The following RPTOR variants were observed in gnomAD, a reference collection of about 807,000 sequenced individuals.
RPTOR encodes regulatory-associated protein of mTOR.
In RPTOR, 21 loss-of-function variants were observed where a neutral mutation model predicts 169.9. That is an observed-to-expected ratio of 0.12 (90% CI 0.09 to 0.18). The LOEUF (loss-of-function observed/expected upper bound fraction) is 0.18, where lower values mean the gene tolerates loss of function less well. Ranked by LOEUF, RPTOR falls within the 10% of genes least tolerant of loss-of-function variation. The pLI, the probability that RPTOR is intolerant of heterozygous loss-of-function variation, is 1.00. For missense variants in RPTOR, 1,133 were observed against 1,855.9 expected (o/e 0.61, Z 7.16); for synonymous variants, 732 against 753.2 (o/e 0.97, Z 0.46).
At position 80,936,395 on chromosome 17, in the gene RPTOR, A is replaced by T. The variant is rs1256147010; in HGVS notation, c.2920-4101A>T. The stretch of plus-strand genomic sequence containing the variant: ...AAAACATGTTCATTCAGAAACCTGT[A>T]TGTGAATGTTTATAGTGACTGTATT... On this transcript the variant is annotated intron_variant, in intron 24 of 33. Transcript: ENST00000306801. This position sits in a 1 kb window ranked among gnomAD's most constrained non-coding sequence, Gnocchi z 4.1. Among the ~76,000 whole-genome samples the T allele has an allele frequency of 6.6e-6, 1 of 152,258 alleles. No individual in the cohort carries two copies. Among genetic ancestry groups the T allele is most frequent in the East Asian group, 1.9e-4 (1 of 5,200 alleles).
chr17:80,615,535 A>T (rs2065303052), intron 1 of RPTOR, among the ~76,000 whole-genome samples: 1 of 152,194 alleles, frequency 6.6e-6, no homozygotes, highest in African/African-American at 2.4e-5. Context: ...GTGGTTCCCC[A>T]TGGGGCATCT....
chr17:80,771,135 C>T (rs1335715890), intron 6 of RPTOR, among the ~76,000 whole-genome samples: 1 of 152,212 alleles, frequency 6.6e-6, no homozygotes, highest in African/African-American at 2.4e-5. Flanking sequence ...CCTTCCCTGC[C>T]CTGGGGTCTG....
chr17:80,819,220 A>T (rs1216834182), intron 7 of RPTOR, among the ~76,000 whole-genome samples: 1 of 152,176 alleles, frequency 6.6e-6, no homozygotes, highest in Non-Finnish European at 1.5e-5. Context: ...GGGTTTTGGC[A>T]GTTCCCTGTT....
intron 6 of RPTOR, among the ~76,000 whole-genome samples, chr17:80,779,911 T>A (rs548850578): frequency 6.6e-6 from 1 of 152,178 alleles, no homozygotes; most frequent in Admixed American, 6.5e-5. Context: ...GGGGTGCTCT[T>A]CCTTAGCCCC....
chr17:80,806,816 A>T (rs1005920891), intron 7 of RPTOR, among the ~76,000 whole-genome samples: 25 of 151,866 alleles, frequency 1.6e-4, no homozygotes, highest in Non-Finnish European at 2.8e-4. Context: ...CTTTTTTTTA[A>T]ATTCTCTTTT....
At chr17:80,962,781 A>G in intron 32 of RPTOR, 147 bp from the exon 33 acceptor site, 1 of 1,406,770 alleles carries the variant, frequency 7.1e-7, no homozygotes, top group East Asian at 2.5e-5. Flanking sequence ...CCGAGTCCTC[A>G]GTGAGAGTGA....
At position 80,653,528 on chromosome 17, in the gene RPTOR, A is replaced by C. The variant is rs145123120; in HGVS notation, c.348+9718A>C. ...GCTGTGGTCTCTCCACCTGGAGTGT[A>C]TGTCGGGAGAAAGCTCCTGTCGGGG... On this transcript the variant is annotated intron_variant, in intron 3 of 33. Transcript: ENST00000306801. Among the ~76,000 whole-genome samples, 1,365 of 152,254 alleles carry C rather than the reference A, an allele frequency of 9.0e-3. 17 individuals are homozygous for C. The highest frequency in any genetic ancestry group is 0.027 in the African/African-American group (1,135 of 41,536).
Position 80,730,306 on chromosome 17 carries a change from A to G in RPTOR, c.508-254A>G, listed in dbSNP as rs1333159808. On this transcript the variant is annotated intron_variant, in intron 4 of 33. Transcript: ENST00000306801. This position sits in a 1 kb window ranked among gnomAD's most constrained non-coding sequence, Gnocchi z 4.2. ...TTTTTAGTAGAGACTGGGTTTTACC[A>G]TGTTGGCCAGGCTGGTCTTGAACTC... 6.6e-6 allele frequency among the ~76,000 whole-genome samples: 1 copy of G among 152,014 alleles called. No individual in the cohort carries two copies. The highest frequency in any genetic ancestry group is 1.5e-5 in the Non-Finnish European group (1 of 68,004).
intron 1 of RPTOR, among the ~76,000 whole-genome samples, chr17:80,585,081 G>C (rs756329311): frequency 1.3e-5 from 2 of 152,130 alleles, no homozygotes; most frequent in Non-Finnish European, 2.9e-5. Context: ...CTAGGGAGGG[G>C]TGCCATTTGG....
rs2067703519 is a variant in RPTOR, at chr17:80,844,404, G to A, written c.1213-2069G>A. Among the ~76,000 whole-genome samples, 1 of 152,230 alleles carries A rather than the reference G, an allele frequency of 6.6e-6. No homozygotes were observed. The highest frequency in any genetic ancestry group is 2.4e-5 in the African/African-American group (1 of 41,464). ...GGCAAAGCTAATGTGATAGAAAGAA[G>A]AGGTGTAACTATCTGAATTACCTGA... On this transcript the variant is annotated intron_variant, in intron 10 of 33. Transcript: ENST00000306801. The surrounding 1 kb of genome is among the most constrained non-coding windows in gnomAD (Gnocchi z 4.7).
intron 2 of RPTOR, among the ~76,000 whole-genome samples, chr17:80,632,340 G>T (rs1328739634): frequency 6.6e-6 from 1 of 152,198 alleles, no homozygotes; most frequent in Non-Finnish European, 1.5e-5. Flanking sequence ...GGGACGGGAC[G>T]CGCAGGCCCT....
intron 18 of RPTOR, among the ~76,000 whole-genome samples, chr17:80,892,356 G>A (rs1359849367): frequency 5.9e-5 from 9 of 152,198 alleles, no homozygotes; most frequent in Non-Finnish European, 2.9e-5. Context: ...AAGCCCAGGA[G>A]GGGAGAAGGG....
intron 7 of RPTOR, among the ~76,000 whole-genome samples, chr17:80,798,236 T>C (rs911227516): frequency 2.6e-5 from 4 of 152,118 alleles, no homozygotes; most frequent in African/African-American, 9.7e-5. Flanking sequence ...CTTCCCTCCT[T>C]ACAGGGCTGG....
chr17:80,606,148 A>C lies in RPTOR; in HGVS notation c.163-19543A>C, dbSNP rs112114785. Among the ~76,000 whole-genome samples, 399 of 152,104 alleles carry C rather than the reference A, an allele frequency of 2.6e-3. 4 individuals are homozygous for C. Among genetic ancestry groups the C allele is most frequent in the African/African-American group, 9.3e-3 (385 of 41,476 alleles). ...TGCCTCAGCCTCCCAAGTAGCTGGG[A>C]CTACAGGAACCCACCACCATGTCCG... On this transcript the variant is annotated intron_variant, in intron 1 of 33. Coordinates refer to ENST00000306801, the MANE Select transcript of RPTOR (RefSeq NM_020761.3).
intron 1 of RPTOR, among the ~76,000 whole-genome samples, chr17:80,596,662 A>AT (rs1289715959): frequency 2.0e-5 from 3 of 152,176 alleles, no homozygotes; most frequent in Non-Finnish European, 4.4e-5. Flanking sequence ...TTTAGAAAGC[A>AT]TTTTGGAGAA....
At position 80,844,691 on chromosome 17, in the gene RPTOR, G is replaced by A. The variant is rs896318541; in HGVS notation, c.1213-1782G>A. On this transcript the variant is annotated intron_variant, in intron 10 of 33. Transcript: ENST00000306801. The surrounding 1 kb of genome is among the most constrained non-coding windows in gnomAD (Gnocchi z 4.7). ...CGGCTGACTTTTTAAGTCGGGCCAC[G>A]GGGCTCTGCCCGCCAGGCTCCTCTG... is the stretch of plus-strand genomic sequence containing the variant. Among the ~76,000 whole-genome samples the A allele has an allele frequency of 2.0e-5, 3 of 152,188 alleles. No individual in the cohort carries two copies. The highest frequency in any genetic ancestry group is 2.1e-4 in the South Asian group (1 of 4,834).
chr17:80,661,598 C>T (rs2065724406), intron 3 of RPTOR, among the ~76,000 whole-genome samples: 1 of 152,152 alleles, frequency 6.6e-6, no homozygotes, highest in South Asian at 2.1e-4. Flanking sequence ...TTTTTATGTC[C>T]GCCGATAAGG....
chr17:80,935,414 G>A (rs1416070203), intron 24 of RPTOR, among the ~76,000 whole-genome samples: 1 of 152,062 alleles, frequency 6.6e-6, no homozygotes, highest in East Asian at 1.9e-4. Flanking sequence ...TGAACTAGAA[G>A]AACAAAGTTA....
At chr17:80,645,277 C>T (rs1418890266) in intron 3 of RPTOR, among the ~76,000 whole-genome samples, 2 of 152,106 alleles carry the variant, frequency 1.3e-5, no homozygotes, top group Admixed American at 1.3e-4. Flanking sequence ...TGTCGTTAAC[C>T]AACACTATGG....
Sources: allele counts gnomAD v4.1 joint callset (sites outside exome capture counted in the v4.1 genomes callset), GRCh38; gene constraint gnomAD v4.1.1; non-coding constraint Gnocchi (gnomAD v3.1); transcripts MANE v1.5; gene names NCBI Gene and HGNC (gene_info 2026-07-23, HGNC 2026-07-21).